The following BPTF variants were observed in gnomAD, a reference collection of about 807,000 sequenced individuals.
BPTF encodes the protein bromodomain PHD finger transcription factor, also known as nucleosome-remodeling factor subunit BPTF.
In BPTF, 18 loss-of-function variants were observed where a neutral mutation model predicts 292.5. That is an observed-to-expected ratio of 0.06 (90% confidence interval 0.04 to 0.09). BPTF has a LOEUF of 0.09. Ranked by LOEUF, BPTF falls within the 10% of genes least tolerant of loss-of-function variation. BPTF has a pLI of 1.00. For missense variants in BPTF, 2,726 were observed against 3,498.7 expected (o/e 0.78, Z 5.57); for synonymous variants, 1,225 against 1,251.9 (o/e 0.98, Z 0.45).
intron 4 of BPTF, among the ~76,000 whole-genome samples, chr17:67,888,559 C>T (rs1203772480): frequency 1.5e-5 from 2 of 130,854 alleles, no homozygotes; most frequent in African/African-American, 2.9e-5. Flanking sequence ...CACTGCACTC[C>T]AGTCTGGGTG....
chr17:67,876,683 G>A (rs1243004966), intron 4 of BPTF, among the ~76,000 whole-genome samples: 1 of 152,158 alleles, frequency 6.6e-6, no homozygotes, highest in Non-Finnish European at 1.5e-5. Flanking sequence ...TCATGCGCCT[G>A]TAATCCCAGC....
chr17:67,931,075 G>C (rs2147517409), intron 17 of BPTF, among the ~76,000 whole-genome samples: 1 of 152,226 alleles, frequency 6.6e-6, no homozygotes, highest in South Asian at 2.1e-4. Context: ...AACCATCCTG[G>C]TCAATATGGT....
chr17:67,914,836 A>C (rs56036698), intron 11 of BPTF, among the ~76,000 whole-genome samples: 1 of 152,264 alleles, frequency 6.6e-6, no homozygotes, highest in African/African-American at 2.4e-5. Context: ...TTGATTTCAC[A>C]TTTTTTAATG....
intron 3 of BPTF, among the ~76,000 whole-genome samples, chr17:67,869,106 C>A (rs2059555929): frequency 6.6e-6 from 1 of 152,168 alleles, no homozygotes; most frequent in Admixed American, 6.6e-5. Context: ...TTTCAGCCAG[C>A]TTACTTCCCC....
chr17:67,921,783 GC>G (rs1230049741), intron 13 of BPTF, among the ~76,000 whole-genome samples: 19 of 152,106 alleles, frequency 1.2e-4, no homozygotes, highest in Non-Finnish European at 1.9e-4. Context: ...TGTAATTCCA[GC>G]GCTTTGGGAG....
chr17:67,953,921 T>G (rs1262803426), intron 23 of BPTF, among the ~76,000 whole-genome samples: 3 of 149,992 alleles, frequency 2.0e-5, no homozygotes, highest in Non-Finnish European at 3.0e-5. Flanking sequence ...GACCATTGAT[T>G]TTATTGGCTT....
In BPTF at chr17:67,917,194, G is replaced by A. The variant is rs56320024; in HGVS notation, c.5304-1520G>A. On this transcript the variant is annotated intron_variant, in intron 11 of 27. Coordinates refer to ENST00000306378, the MANE Select transcript of BPTF (RefSeq NM_182641.4). ...GCCGCCCGAGGTGGAGTGCAGTGGA[G>A]CGATCTCGGCTCACTGCAACCTCTG... Among the ~76,000 whole-genome samples the A allele has an allele frequency of 2.8e-5, 4 of 144,718 alleles. No individual in the cohort carries two copies. The South Asian group carries it at 8.8e-4, about 32-fold the overall frequency. 94.9% of individuals were successfully genotyped at this position (144,718 alleles called of 152,430 possible).
chr17:67,903,534 A>T (rs990188243), intron 7 of BPTF, among the ~76,000 whole-genome samples: 3 of 152,230 alleles, frequency 2.0e-5, no homozygotes, highest in Non-Finnish European at 4.4e-5. Flanking sequence ...CCATATATAC[A>T]TGAAATGTTT....
chr17:67,863,646 G>A (rs1053748133), intron 2 of BPTF, among the ~76,000 whole-genome samples: 1 of 152,178 alleles, frequency 6.6e-6, no homozygotes, highest in Non-Finnish European at 1.5e-5. Context: ...CCAGTCATTT[G>A]ACTTAGGGGC....
chr17:67,947,797 A>T lies in BPTF; in HGVS notation c.7689A>T (p.Glu2563Asp). The T allele has an allele frequency of 6.4e-7, 1 of 1,552,258 alleles. No individual in the cohort carries two copies. Among genetic ancestry groups the T allele is most frequent in the South Asian group, 1.2e-5 (1 of 84,078 alleles). Residue 2563 changes from glutamate to aspartate, a missense_variant, in exon 22 of 28, where the codon GAA becomes GAT. By Grantham distance (45) the Glu-to-Asp change is conservative. Coordinates refer to ENST00000306378, the MANE Select transcript of BPTF (RefSeq NM_182641.4). ...QKKSMTPAER[E>D]ENQRMIVCNQ... ...AGAGCATGACTCCAGCTGAAAGAGA[A>T]GAGAATCAAAGGTAGGGGAGACGCA...
At position 67,940,540 on chromosome 17, in the gene BPTF, T is replaced by G; in HGVS notation, c.6361T>G (p.Leu2121Val). Residue 2121 changes from leucine to valine, a missense_variant, in exon 19 of 28, where the codon TTA becomes GTA. This residue lies in a region of BPTF where 570 missense variants were observed against 633.5 expected (regional missense o/e 0.90). Transcript: ENST00000306378. ...TTCCTCAACACCTGGGCAGAAAAGCTTAACTTCAGCAACGTCCACTTCAAA... is the reference window on the plus strand; with the variant it reads ...TTCCTCAACACCTGGGCAGAAAAGCGTAACTTCAGCAACGTCCACTTCAAA... The part of the protein sequence containing the change: ...TVSSTPGQKS[L>V]TSATSTSNIQ... 6.2e-7 allele frequency: 1 copy of G among 1,614,082 alleles called. No homozygotes were observed. Among genetic ancestry groups the G allele is most frequent in the South Asian group, 1.1e-5 (1 of 91,076 alleles).
intron 23 of BPTF, among the ~76,000 whole-genome samples, chr17:67,958,939 G>A (rs1555682222): frequency 6.6e-6 from 1 of 152,078 alleles, no homozygotes; most frequent in Non-Finnish European, 1.5e-5. Context: ...TGACAAGAGC[G>A]AAACTGCATC....
chr17:67,872,874 G>A (rs1169110661), intron 3 of BPTF, among the ~76,000 whole-genome samples: 2 of 152,234 alleles, frequency 1.3e-5, no homozygotes, highest in East Asian at 3.9e-4. Context: ...AGGCACGGGG[G>A]AGTTCAAGAC....
chr17:67,832,780 C>T (rs2056809136), intron 1 of BPTF, among the ~76,000 whole-genome samples: 1 of 145,002 alleles, frequency 6.9e-6, no homozygotes, highest in Admixed American at 7.1e-5. Flanking sequence ...TGTTGATTCG[C>T]CTCTTTTTTT....
intron 9 of BPTF, among the ~76,000 whole-genome samples, chr17:67,907,339 C>A: frequency 6.9e-6 from 1 of 144,280 alleles, no homozygotes; most frequent in Non-Finnish European, 1.5e-5. Flanking sequence ...TCAGCTTCAA[C>A]AATTATCAAA....
chr17:67,938,670 C>T (rs1002776433), intron 18 of BPTF, among the ~76,000 whole-genome samples: 4 of 152,118 alleles, frequency 2.6e-5, no homozygotes, highest in Admixed American at 2.6e-4. Flanking sequence ...GGACTAAGAA[C>T]ATTCTTGGGA....
intron 13 of BPTF, among the ~76,000 whole-genome samples, chr17:67,921,979 C>T (rs973932197): frequency 5.9e-5 from 9 of 151,268 alleles, no homozygotes; most frequent in Non-Finnish European, 1.0e-4. Flanking sequence ...TGCAGTGAGC[C>T]GAGATCACAC....
In BPTF at chr17:67,854,838, C is replaced by G. The variant is rs2058596956; in HGVS notation, c.1436+76C>G. The G allele has an allele frequency of 9.6e-7, 1 of 1,044,714 alleles. No individual in the cohort carries two copies. Among genetic ancestry groups the G allele is most frequent in the Non-Finnish European group, 1.4e-6 (1 of 707,458 alleles). The allele number at this position is 1,044,714 out of a possible 1,614,324, so 64.7% of individuals were successfully genotyped here. ...TTCCTTCGTGATTGATGTAGCAGAGCTATGCTGTTGATGTGGTATAAACCT... is the reference window on the plus strand; with the variant it reads ...TTCCTTCGTGATTGATGTAGCAGAGGTATGCTGTTGATGTGGTATAAACCT... On this transcript the variant is annotated intron_variant, in intron 2 of 27. Transcript: ENST00000306378. This position sits in a 1 kb window ranked among gnomAD's most constrained non-coding sequence, Gnocchi z 5.6.
chr17:67,852,414 T>C (rs1376378363), intron 1 of BPTF, among the ~76,000 whole-genome samples: 1 of 152,032 alleles, frequency 6.6e-6, no homozygotes, highest in East Asian at 1.9e-4. Context: ...AAGATTCTTA[T>C]ATGACCTCTT....
Sources: allele counts gnomAD v4.1 joint callset (sites outside exome capture counted in the v4.1 genomes callset), GRCh38; gene constraint gnomAD v4.1.1; regional missense constraint gnomAD v4.1.1; non-coding constraint Gnocchi (gnomAD v3.1); transcripts MANE v1.5; gene names NCBI Gene and HGNC (gene_info 2026-07-23, HGNC 2026-07-21).